ZNF578: variants seen among roughly 807,000 people sequenced by gnomAD.
The protein encoded by ZNF578 is Putative chemokine-related protein B42.
ZNF578 carries 8 observed loss-of-function variants against 8.3 expected under a neutral mutation model. The ratio of observed to expected loss-of-function variants is 0.96; its 90% CI spans 0.56 to 1.74. ZNF578 has a LOEUF of 1.74. Ranked by LOEUF, ZNF578 falls within the 40% of genes most tolerant of loss-of-function variation. The probability of loss-of-function intolerance (pLI) is 0.00; values close to 1 mark genes in which losing one functional copy is unlikely to be tolerated. For synonymous variants in ZNF578, 206 were observed against 232.2 expected (o/e 0.89, Z 1.03); for missense variants, 726 against 707.5 (o/e 1.03, Z -0.30).
At chr19:52,472,459 C>G (rs1460272091) in intron 2 of ZNF578, among the ~76,000 whole-genome samples, 1 of 152,182 alleles carries the variant, frequency 6.6e-6, no homozygotes, top group Non-Finnish European at 1.5e-5. Flanking sequence ...TCTGATATAA[C>G]TGTTCTCTCT....
At chr19:52,481,221 C>T (rs543296122) in intron 2 of ZNF578, among the ~76,000 whole-genome samples, 10 of 152,140 alleles carry the variant, frequency 6.6e-5, no homozygotes, top group Non-Finnish European at 1.5e-5. Flanking sequence ...CCTGGTGTCC[C>T]CATTCATCTG....
intron 5 of ZNF578, among the ~76,000 whole-genome samples, chr19:52,505,156 G>A (rs574972451): frequency 2.7e-4 from 41 of 152,316 alleles, no homozygotes; most frequent in African/African-American, 8.7e-4. Context: ...CAAAGTGCTG[G>A]GATTACAGGC....
In ZNF578 at chr19:52,512,286, C is replaced by A; in HGVS notation, c.*132C>A. 1 of 1,571,862 alleles carries A rather than the reference C, an allele frequency of 6.4e-7. No individual in the cohort carries two copies. The highest frequency in any genetic ancestry group is 8.8e-7 in the Non-Finnish European group (1 of 1,142,192). ...TACAAGTGTAATGAGTGTGGCAAAG[C>A]CTTTAGTGACCAGTCAACACTTACC... On this transcript the variant is annotated 3_prime_UTR_variant, in exon 6 of 6. Transcript: ENST00000421239.
intron 2 of ZNF578, chr19:52,458,383 T>C (rs1279710747): frequency 1.3e-5 from 2 of 149,472 alleles, no homozygotes; most frequent in African/African-American, 5.0e-5. Context: ...TCCCCTGTTA[T>C]CCCCAGCTGC....
chr19:52,453,795 C>T (rs1485830256), intron 1 of ZNF578, 188 bp downstream of exon 1: 1 of 142,304 alleles, frequency 7.0e-6, no homozygotes, highest in East Asian at 2.0e-4. Context: ...AGCTCTCTGC[C>T]TTCGGGCCAC....
At chr19:52,465,404 A>C (rs940440066) in intron 2 of ZNF578, among the ~76,000 whole-genome samples, 6 of 150,964 alleles carry the variant, frequency 4.0e-5, no homozygotes, top group Non-Finnish European at 5.9e-5. Context: ...TCACCTCTGG[A>C]CTCTCCTTTT....
At position 52,512,828 on chromosome 19, in the gene ZNF578, TGA is replaced by T. The variant is rs1385663284; in HGVS notation, c.*676_*677del. ...CATTGGAGTCAATTCAGCATTGACT[TGA>T]GTTTGTGTTGACTTAACATTGAGTT... is the stretch of plus-strand genomic sequence containing the variant. On this transcript the variant is annotated 3_prime_UTR_variant, in exon 6 of 6. Transcript: ENST00000421239. Among the ~76,000 whole-genome samples the T allele has an allele frequency of 6.6e-6, 1 of 152,132 alleles. No individual in the cohort carries two copies. Among genetic ancestry groups the T allele is most frequent in the Non-Finnish European group, 1.5e-5 (1 of 68,014 alleles).
chr19:52,477,872 C>T (rs2059313130), intron 2 of ZNF578, among the ~76,000 whole-genome samples: 1 of 152,200 alleles, frequency 6.6e-6, no homozygotes, highest in South Asian at 2.1e-4. Context: ...TCTTGAGATC[C>T]TGCAAGAAAT....
In ZNF578 at chr19:52,511,609, C is replaced by T. The variant is rs1286580148; in HGVS notation, c.1228C>T (p.Gln410Ter). 2.5e-6 allele frequency: 4 copies of T among 1,612,900 alleles called. No homozygotes were observed. Among genetic ancestry groups the T allele is most frequent in the East Asian group, 4.5e-5 (2 of 44,858 alleles). Residue 410 changes from glutamine (Q) to a stop codon, truncating the protein, a stop_gained, in exon 6 of 6, where the codon CAA (glutamine) becomes TAA (stop). Transcript: ENST00000421239. LOFTEE classifies it low-confidence loss of function (END_TRUNC). Reference protein sequence around the residue: ...KCNECGKAFNQQSHLSRHHRL... With the variant: ...KCNECGKAFN ...TAATGAATGTGGCAAGGCTTTTAAT[C>T]AACAATCACACCTTTCACGTCATCA...
chr19:52,495,117 G>A (rs2059381181), intron 3 of ZNF578, among the ~76,000 whole-genome samples: 1 of 150,348 alleles, frequency 6.7e-6, no homozygotes, highest in African/African-American at 2.4e-5. Context: ...AAAGTACTGG[G>A]ATTACAGGGA....
intron 3 of ZNF578, chr19:52,492,988 G>C (rs1271933867): frequency 6.6e-6 from 1 of 152,298 alleles, no homozygotes; most frequent in African/African-American, 2.4e-5. Flanking sequence ...AGAGCAAATT[G>C]AGATGTCCCC....
At chr19:52,459,650 C>CACACACACAT (rs1340389548) in intron 2 of ZNF578, among the ~76,000 whole-genome samples, 2 of 84,824 alleles carry the variant, frequency 2.4e-5, no homozygotes, top group African/African-American at 7.3e-5. Flanking sequence ...CACACACACA[C>CACACACACAT]ATATATATAC....
chr19:52,463,083 C>T (rs2059263819), intron 2 of ZNF578, among the ~76,000 whole-genome samples: 1 of 152,110 alleles, frequency 6.6e-6, no homozygotes, highest in Non-Finnish European at 1.5e-5. Flanking sequence ...CCCCCTATCT[C>T]CTGTTTATGT....
rs562622086 is a variant in ZNF578, at chr19:52,515,483, A to G, written c.*3329A>G. On this transcript the variant is annotated 3_prime_UTR_variant, in exon 6 of 6. Coordinates refer to ENST00000421239, the MANE Select transcript of ZNF578 (RefSeq NM_001099694.2). The stretch of plus-strand genomic sequence containing the variant: ...CCAGGTTTGTGAAAGAGGTTTCTCT[A>G]ATTTTCAAGGATGGGGGTGATAAGA... Among the ~76,000 whole-genome samples the G allele has an allele frequency of 3.9e-5, 6 of 152,276 alleles. No individual in the cohort carries two copies. The South Asian group carries it at 1.0e-3, about 26-fold the overall frequency.
At chr19:52,483,870 A>G (rs2059335738) in intron 2 of ZNF578, among the ~76,000 whole-genome samples, 1 of 152,128 alleles carries the variant, frequency 6.6e-6, no homozygotes, top group Non-Finnish European at 1.5e-5. Flanking sequence ...CTGCCCCTCC[A>G]CACTTGTGGG....
chr19:52,461,840 G>A (rs79634262), intron 2 of ZNF578, among the ~76,000 whole-genome samples: 79 of 152,210 alleles, frequency 5.2e-4, no homozygotes, highest in African/African-American at 1.5e-3. Context: ...AACTTCCATA[G>A]TTCAGGGTGT....
rs1231918484 is a variant in ZNF578, at chr19:52,516,850, A to T, written c.*4696A>T. On this transcript the variant is annotated 3_prime_UTR_variant, in exon 6 of 6. Coordinates refer to ENST00000421239, the MANE Select transcript of ZNF578 (RefSeq NM_001099694.2). ...TTTCACACTCAGCCCGCCTGCACCCAGGTGAAATAAACAGCCTCGTTGCTC... is the reference window on the plus strand; with the variant it reads ...TTTCACACTCAGCCCGCCTGCACCCTGGTGAAATAAACAGCCTCGTTGCTC... Among the ~76,000 whole-genome samples, 2 of 152,180 alleles carry T rather than the reference A, an allele frequency of 1.3e-5. No individual in the cohort carries two copies. Among genetic ancestry groups the T allele is most frequent in the Non-Finnish European group, 2.9e-5 (2 of 68,040 alleles).
At chr19:52,490,079 A>T (rs538430994) in intron 2 of ZNF578, among the ~76,000 whole-genome samples, 1 of 152,216 alleles carries the variant, frequency 6.6e-6, no homozygotes, top group South Asian at 2.1e-4. Flanking sequence ...CAGGTTTTTG[A>T]TGTTTTTATT....
In ZNF578 at chr19:52,515,367, T is replaced by C. The variant is rs1265193242; in HGVS notation, c.*3213T>C. The stretch of plus-strand genomic sequence containing the variant: ...ATAGCTGTGTGTTCACACTTCTGCA[T>C]TTTATAAATGTTCCTGTGAGTTTTT... On this transcript the variant is annotated 3_prime_UTR_variant, in exon 6 of 6. Coordinates refer to ENST00000421239, the MANE Select transcript of ZNF578 (RefSeq NM_001099694.2). Among the ~76,000 whole-genome samples the C allele has an allele frequency of 6.6e-6, 1 of 152,220 alleles. No individual in the cohort carries two copies. The highest frequency in any genetic ancestry group is 1.5e-5 in the Non-Finnish European group (1 of 68,042).
Sources: allele counts gnomAD v4.1 joint callset (sites outside exome capture counted in the v4.1 genomes callset), GRCh38; gene constraint gnomAD v4.1.1; transcripts MANE v1.5; gene names NCBI Gene and HGNC (gene_info 2026-07-23, HGNC 2026-07-21).